GULP1: variants seen among roughly 807,000 people sequenced by gnomAD.
The protein encoded by GULP1 is GULP PTB domain containing engulfment adaptor 1, also known as PTB domain-containing engulfment adapter protein 1.
A neutral mutation model predicts 40.9 loss-of-function variants in GULP1; 19 were observed. The observed-to-expected ratio is 0.46, with a 90% CI of 0.32 to 0.68. GULP1 has a LOEUF of 0.68. GULP1 is among the 30% of genes least tolerant of loss of function. The probability of loss-of-function intolerance (pLI) is 0.03; values close to 1 mark genes in which losing one functional copy is unlikely to be tolerated. For missense variants in GULP1, 312 were observed against 362.2 expected, an observed-to-expected ratio of 0.86 and a Z score of 1.12; for synonymous variants, 119 against 117.6, an observed-to-expected ratio of 1.01 and a Z score of -0.08.
chr2:188,449,540 A>G (rs75528334), intron 2 of GULP1, among the ~76,000 whole-genome samples: 4,598 of 152,308 alleles, frequency 0.03, 113 homozygotes, highest in African/African-American at 0.066. Flanking sequence ...TTATAACAGT[A>G]TCAGGATACA....
intron 2 of GULP1, among the ~76,000 whole-genome samples, chr2:188,426,085 A>G (rs1255019332): frequency 6.6e-6 from 1 of 152,182 alleles, no homozygotes; most frequent in African/African-American, 2.4e-5. Context: ...AGTTACAGGC[A>G]AATACATAAA....
intron 2 of GULP1, among the ~76,000 whole-genome samples, chr2:188,409,935 C>T (rs1040391545): frequency 1.4e-4 from 21 of 152,152 alleles, no homozygotes; most frequent in Non-Finnish European, 2.2e-4. Flanking sequence ...CATCACACTA[C>T]CTGATTTCAA....
chr2:188,530,706 A>T (rs1333272180), intron 6 of GULP1, among the ~76,000 whole-genome samples: 1 of 152,196 alleles, frequency 6.6e-6, no homozygotes, highest in African/African-American at 2.4e-5. Context: ...TCTAACCTGC[A>T]GAACTGTGAG....
intron 1 of GULP1, among the ~76,000 whole-genome samples, chr2:188,314,470 T>C (rs1023925225): frequency 5.3e-5 from 8 of 152,110 alleles, no homozygotes; most frequent in African/African-American, 1.9e-4. Flanking sequence ...CAACAACCTC[T>C]CTCCTCCCAC....
At chr2:188,540,728 G>A (rs894203446) in intron 6 of GULP1, among the ~76,000 whole-genome samples, 1 of 152,104 alleles carries the variant, frequency 6.6e-6, no homozygotes, top group Non-Finnish European at 1.5e-5. Context: ...TCCAGATAAA[G>A]CTGTGTTCTA....
intron 1 of GULP1, among the ~76,000 whole-genome samples, chr2:188,378,278 G>GAAA (rs71723258): frequency 1.0e-5 from 1 of 95,550 alleles, no homozygotes; most frequent in African/African-American, 3.6e-5. Context: ...TCTCTATATA[G>GAAA]AAAAAAAAAA....
chr2:188,595,507 G>A lies in GULP1; in HGVS notation c.*1496G>A, dbSNP rs1704291265. ...TGCTAAGTTGTACCTTAATTAGAGG[G>A]CAATATATGTTTCATAAAGAAGAGT... is the stretch of plus-strand genomic sequence containing the variant. On this transcript the variant is annotated 3_prime_UTR_variant, in exon 12 of 12. Transcript: ENST00000409830. The A allele has an allele frequency of 2.0e-5, 3 of 151,984 alleles. No individual in the cohort carries two copies. In the Admixed American group the frequency reaches 2.0e-4, roughly 10 times the overall value. The allele number at this position is 151,984 out of a possible 1,614,324, so 9.4% of individuals were successfully genotyped here.
intron 1 of GULP1, among the ~76,000 whole-genome samples, chr2:188,323,688 GTA>G (rs1258896362): frequency 1.9e-5 from 2 of 105,052 alleles, no homozygotes; most frequent in African/African-American, 7.3e-5. Flanking sequence ...GTGTGTGTGT[GTA>G]TGTGTGTACA....
At chr2:188,463,594 C>G (rs187705609) in intron 2 of GULP1, among the ~76,000 whole-genome samples, 1 of 152,030 alleles carries the variant, frequency 6.6e-6, no homozygotes, top group Non-Finnish European at 1.5e-5. Flanking sequence ...CTTTCTACTC[C>G]TATCTTTTTC....
At chr2:188,473,693 G>A (rs1249398841) in intron 2 of GULP1, among the ~76,000 whole-genome samples, 1 of 152,110 alleles carries the variant, frequency 6.6e-6, no homozygotes, top group East Asian at 1.9e-4. Context: ...CTCTGGCCAA[G>A]GACAGGTCCA....
At chr2:188,585,073 C>T (rs567209512) in intron 10 of GULP1, among the ~76,000 whole-genome samples, 9 of 152,086 alleles carry the variant, frequency 5.9e-5, no homozygotes, top group Non-Finnish European at 1.2e-4. Flanking sequence ...GCGAAGGAGC[C>T]ACAGGCCCCT....
intron 7 of GULP1, among the ~76,000 whole-genome samples, chr2:188,566,371 TA>T (rs1697656058): frequency 6.6e-6 from 1 of 152,142 alleles, no homozygotes; most frequent in Non-Finnish European, 1.5e-5. Context: ...AAGTGCCTAG[TA>T]AAGATGTTAT....
chr2:188,314,100 G>A (rs543458880), intron 1 of GULP1, among the ~76,000 whole-genome samples: 47 of 151,610 alleles, frequency 3.1e-4, no homozygotes, highest in South Asian at 1.7e-3. Context: ...CTGTAGAGTC[G>A]TTTTTAGTCA....
At chr2:188,293,234 C>G (rs146346689) in intron 1 of GULP1, 1 of 152,310 alleles carries the variant, frequency 6.6e-6, no homozygotes, top group African/African-American at 2.4e-5. Context: ...GTAGTGTTTC[C>G]CAACTGAGCT....
chr2:188,436,902 A>T (rs2057458321), intron 2 of GULP1, among the ~76,000 whole-genome samples: 1 of 152,074 alleles, frequency 6.6e-6, no homozygotes, highest in African/African-American at 2.4e-5. Context: ...CTATCCATAG[A>T]TCTTTTGCAC....
chr2:188,590,671 A>G (rs1000978947), intron 11 of GULP1: 5 of 152,224 alleles, frequency 3.3e-5, no homozygotes, highest in African/African-American at 1.2e-4. Flanking sequence ...TCAATAATGT[A>G]GCTATTTGAT....
chr2:188,577,266 C>A (rs1281814899), intron 9 of GULP1, among the ~76,000 whole-genome samples: 1 of 151,986 alleles, frequency 6.6e-6, no homozygotes, highest in African/African-American at 2.4e-5. Flanking sequence ...CTTGATAGGA[C>A]AATTATAACC....
intron 1 of GULP1, among the ~76,000 whole-genome samples, chr2:188,315,235 T>C (rs899455507): frequency 6.6e-6 from 1 of 152,198 alleles, no homozygotes. Flanking sequence ...ATGGCTGCAG[T>C]GCATGATAAC....
chr2:188,429,133 G>A (rs1434811506), intron 2 of GULP1, among the ~76,000 whole-genome samples: 2 of 152,114 alleles, frequency 1.3e-5, no homozygotes, highest in African/African-American at 4.8e-5. Context: ...TATTTTGACT[G>A]TCATCCGCTC....
Sources: allele counts gnomAD v4.1 joint callset (sites outside exome capture counted in the v4.1 genomes callset), GRCh38; gene constraint gnomAD v4.1.1; transcripts MANE v1.5; gene names NCBI Gene and HGNC (gene_info 2026-07-23, HGNC 2026-07-21).